MAGI1: variants seen among roughly 807,000 people sequenced by gnomAD.
MAGI1 encodes membrane-associated guanylate kinase, WW and PDZ domain-containing protein 1.
In MAGI1, 58 loss-of-function variants were observed where a neutral mutation model predicts 139.9. The observed-to-expected ratio is 0.41, with a 90% CI of 0.34 to 0.52. MAGI1 has a LOEUF of 0.52. Ranked by LOEUF, MAGI1 falls within the 20% of genes least tolerant of loss-of-function variation. The pLI is 0.12. For missense variants in MAGI1, 1,874 were observed against 1,901.6 expected, an observed-to-expected ratio of 0.99 and a Z score of 0.27; for synonymous variants, 812 against 737.9, an observed-to-expected ratio of 1.10 and a Z score of -1.63.
chr3:65,889,187 T>C (rs2060645018), intron 1 of MAGI1, among the ~76,000 whole-genome samples: 1 of 152,222 alleles, frequency 6.6e-6, no homozygotes, highest in Non-Finnish European at 1.5e-5. Context: ...GATCCTTCAG[T>C]TGACCTGGCT....
At position 65,429,629 on chromosome 3, in the gene MAGI1, T is replaced by C; in HGVS notation, c.2058A>G (p.Ile686Met). The C allele has an allele frequency of 3.1e-6, 5 of 1,613,990 alleles. No homozygotes were observed. In the South Asian group the frequency reaches 4.4e-5, roughly 14 times the overall value. Residue 686 changes from isoleucine (I) to methionine (M), a missense_variant, in exon 12 of 23, where the codon ATA (isoleucine) becomes ATG (methionine). By Grantham distance (10) the Ile-to-Met change is conservative. Transcript: ENST00000402939. ...GCACGTTCTTCTTATTAACTTCCACTATGAGATCCCCTTCTTTCAGGCCTC... is the reference window on the plus strand; with the variant it reads ...GCACGTTCTTCTTATTAACTTCCACCATGAGATCCCCTTCTTTCAGGCCTC... ...RCRGLKEGDL[I>M]VEVNKKNVQA... is the part of the protein sequence containing the mutation.
intron 2 of MAGI1, among the ~76,000 whole-genome samples, chr3:65,522,095 G>C (rs1350921135): frequency 6.6e-6 from 1 of 152,084 alleles, no homozygotes; most frequent in Non-Finnish European, 1.5e-5. Context: ...TTCACCAAGA[G>C]CAGTATTTTC....
At position 65,729,394 on chromosome 3, in the gene MAGI1, T is replaced by C. The variant is rs1258534817; in HGVS notation, c.314-107306A>G. Among the ~76,000 whole-genome samples, 7 of 152,202 alleles carry C rather than the reference T, an allele frequency of 4.6e-5. No individual in the cohort carries two copies. The East Asian group carries it at 1.3e-3, about 29-fold the overall frequency. ...GATCAAAGTTTGAGGTTGGCTAAAA[T>C]CACATGAAATCACTATGTATGAGCA... On this transcript the variant is annotated intron_variant, in intron 1 of 22. Coordinates refer to ENST00000402939, the MANE Select transcript of MAGI1 (RefSeq NM_001033057.2).
At chr3:65,443,865 G>C (rs1440459087) in intron 7 of MAGI1, among the ~76,000 whole-genome samples, 1 of 152,254 alleles carries the variant, frequency 6.6e-6, no homozygotes, top group East Asian at 1.9e-4. Flanking sequence ...TGAAATATTT[G>C]AAATAGATTT....
At chr3:65,499,170 A>C (rs1326433909) in intron 2 of MAGI1, 1 of 343,498 alleles carries the variant, frequency 2.9e-6, no homozygotes, top group Non-Finnish European at 4.1e-6. Flanking sequence ...CTCTAGGAAA[A>C]AAAAAATGTT....
intron 1 of MAGI1, among the ~76,000 whole-genome samples, chr3:65,832,277 C>T (rs750971050): frequency 6.6e-6 from 1 of 152,104 alleles, no homozygotes; most frequent in Non-Finnish European, 1.5e-5. Context: ...GTCTTTGTGC[C>T]TTATAATTTG....
chr3:65,995,731 A>G (rs2066411594), intron 1 of MAGI1, among the ~76,000 whole-genome samples: 1 of 152,214 alleles, frequency 6.6e-6, no homozygotes, highest in African/African-American at 2.4e-5. Context: ...GGGCCCTTCT[A>G]TTCCCATTTG....
intron 2 of MAGI1, among the ~76,000 whole-genome samples, chr3:65,545,748 A>C (rs2079463646): frequency 6.6e-6 from 1 of 151,940 alleles, no homozygotes; most frequent in Non-Finnish European, 1.5e-5. Flanking sequence ...CATTTATTTT[A>C]TAGGAATTCC....
intron 1 of MAGI1, among the ~76,000 whole-genome samples, chr3:65,734,110 G>A (rs1445626511): frequency 6.6e-6 from 1 of 152,162 alleles, no homozygotes; most frequent in African/African-American, 2.4e-5. Flanking sequence ...AGGGTTTGGA[G>A]AACAGATATA....
chr3:65,586,613 C>G (rs2081696945), intron 2 of MAGI1, among the ~76,000 whole-genome samples: 1 of 151,954 alleles, frequency 6.6e-6, no homozygotes, highest in Admixed American at 6.6e-5. Context: ...CACAAAGATA[C>G]ACAAAAATAC....
chr3:65,387,509 C>T (rs1289815259), intron 14 of MAGI1, among the ~76,000 whole-genome samples: 1 of 151,842 alleles, frequency 6.6e-6, no homozygotes, highest in Non-Finnish European at 1.5e-5. Context: ...TTCTAAAGTA[C>T]ACATTCTTGA....
chr3:65,773,787 C>T (rs180814084), intron 1 of MAGI1, among the ~76,000 whole-genome samples: 3 of 152,094 alleles, frequency 2.0e-5, no homozygotes, highest in Non-Finnish European at 4.4e-5. Flanking sequence ...TGCCTTGATT[C>T]GAGTGTTTAT....
intron 1 of MAGI1, among the ~76,000 whole-genome samples, chr3:65,869,444 AGGT>A (rs2059856111): frequency 6.7e-6 from 1 of 149,700 alleles, no homozygotes; most frequent in Admixed American, 6.7e-5. Context: ...TCTCTCACCC[AGGT>A]TGGAGTGCAG....
At chr3:65,548,724 T>C (rs895789845) in intron 2 of MAGI1, among the ~76,000 whole-genome samples, 6 of 151,918 alleles carry the variant, frequency 3.9e-5, no homozygotes, top group Admixed American at 2.0e-4. Flanking sequence ...GGTTTCATCA[T>C]GTTGGCCAGG....
intron 1 of MAGI1, among the ~76,000 whole-genome samples, chr3:65,968,048 G>C: frequency 6.6e-6 from 1 of 152,150 alleles, no homozygotes; most frequent in East Asian, 1.9e-4. Context: ...TGAACTGAAA[G>C]CCTGACAGCT....
intron 1 of MAGI1, among the ~76,000 whole-genome samples, chr3:65,987,583 G>A (rs182446484): frequency 6.6e-6 from 1 of 152,178 alleles, no homozygotes; most frequent in East Asian, 1.9e-4. Context: ...CTTCCTTCCT[G>A]CCTGCCTGCT....
intron 1 of MAGI1, among the ~76,000 whole-genome samples, chr3:65,627,470 T>A (rs1197505293): frequency 6.8e-6 from 1 of 147,384 alleles, no homozygotes; most frequent in African/African-American, 2.5e-5. Flanking sequence ...TTGCCGTTAT[T>A]TTATATTTCT....
intron 1 of MAGI1, among the ~76,000 whole-genome samples, chr3:65,715,912 G>A (rs1391186129): frequency 6.6e-6 from 1 of 152,168 alleles, no homozygotes; most frequent in Admixed American, 6.5e-5. Context: ...CAAGACAGCT[G>A]CACATCTCAG....
chr3:65,585,375 C>G (rs2081623907), intron 2 of MAGI1, among the ~76,000 whole-genome samples: 3 of 152,126 alleles, frequency 2.0e-5, no homozygotes, highest in African/African-American at 4.8e-5. Flanking sequence ...AGACACTTCA[C>G]AAAAGAAAAT....
Sources: gnomAD v4.1 joint callset for allele counts (sites outside exome capture counted in the v4.1 genomes callset) on GRCh38, gnomAD v4.1.1 for gene constraint, MANE v1.5 for transcripts, NCBI Gene and HGNC (gene_info 2026-07-23, HGNC 2026-07-21) for gene names.